The following DOCK4 variants were observed in gnomAD, a reference collection of about 807,000 sequenced individuals.
The protein encoded by DOCK4 is dedicator of cytokinesis 4.
DOCK4 carries 97 observed loss-of-function variants against 268.1 expected under a neutral mutation model. The ratio of observed to expected loss-of-function variants is 0.36; its 90% CI spans 0.31 to 0.43. The LOEUF (loss-of-function observed/expected upper bound fraction) is 0.43. Ranked by LOEUF, DOCK4 falls within the 20% of genes least tolerant of loss-of-function variation. The pLI is 1.00. For synonymous variants in DOCK4, 954 were observed against 887.2 expected (o/e 1.08, Z -1.34); for missense variants, 2,145 against 2,455.7 (o/e 0.87, Z 2.67).
intron 34 of DOCK4, 55 bp downstream of exon 34, chr7:111,783,802 T>C: frequency 6.9e-7 from 1 of 1,446,312 alleles, no homozygotes; most frequent in Non-Finnish European, 9.5e-7. Flanking sequence ...TATTTGATTT[T>C]CTAACTGGAG....
At chr7:111,935,850 G>T (rs1480740590) in intron 11 of DOCK4, among the ~76,000 whole-genome samples, 1 of 152,162 alleles carries the variant, frequency 6.6e-6, no homozygotes, top group Non-Finnish European at 1.5e-5. Context: ...GACAGAAGCA[G>T]CTGGGATAAC....
At chr7:112,142,207 G>A (rs1339849414) in intron 1 of DOCK4, among the ~76,000 whole-genome samples, 1 of 152,130 alleles carries the variant, frequency 6.6e-6, no homozygotes, top group Non-Finnish European at 1.5e-5. Flanking sequence ...ACTCAGGCAA[G>A]GTCACATAGC....
Position 111,922,136 on chromosome 7 carries a change from C to T in DOCK4, c.1067-6232G>A, listed in dbSNP as rs79396325. ...CTGTCCTCAGATACTAGTAAGTCAA[C>T]GCTCTGAACAAGTGACAAATTCTGA... On this transcript the variant is annotated intron_variant, in intron 12 of 52. Coordinates refer to ENST00000428084, the MANE Select transcript of DOCK4 (RefSeq NM_001363540.2). Among the ~76,000 whole-genome samples, 179 of 152,262 alleles carry T rather than the reference C, an allele frequency of 1.2e-3. 1 individual carries two copies. Among genetic ancestry groups the T allele is most frequent in the African/African-American group, 3.8e-3 (159 of 41,558 alleles).
At chr7:111,801,599 T>C (rs1297022567) in intron 30 of DOCK4, 1 of 152,212 alleles carries the variant, frequency 6.6e-6, no homozygotes, top group African/African-American at 2.4e-5. Context: ...GACCTAGATA[T>C]TCTTTTGTCT....
At chr7:111,969,676 CAGA>C (rs1313460714) in intron 8 of DOCK4, among the ~76,000 whole-genome samples, 4 of 44,372 alleles carry the variant, frequency 9.0e-5, no homozygotes, top group African/African-American at 2.8e-4. Context: ...TTAGTTGAAC[CAGA>C]AAAAAAAAAA....
At chr7:111,925,636 C>A (rs550271780) in intron 12 of DOCK4, among the ~76,000 whole-genome samples, 1 of 152,282 alleles carries the variant, frequency 6.6e-6, no homozygotes, top group South Asian at 2.1e-4. Context: ...TACTCAAAGC[C>A]TCTACCCAGT....
intron 15 of DOCK4, among the ~76,000 whole-genome samples, chr7:111,898,910 C>T (rs931741775): frequency 6.6e-6 from 1 of 152,156 alleles, no homozygotes; most frequent in African/African-American, 2.4e-5. Flanking sequence ...TAATTACCTC[C>T]AAATGCTCTT....
intron 16 of DOCK4, among the ~76,000 whole-genome samples, chr7:111,895,150 C>A (rs1808636456): frequency 6.6e-6 from 1 of 152,094 alleles, no homozygotes; most frequent in South Asian, 2.1e-4. Flanking sequence ...TATGACAATT[C>A]TTGATTTATA....
chr7:111,842,567 A>G (rs545997235), intron 25 of DOCK4, among the ~76,000 whole-genome samples: 11 of 152,332 alleles, frequency 7.2e-5, no homozygotes, highest in African/African-American at 2.2e-4. Context: ...GAGTGGAGCC[A>G]GAGAAGGTCA....
intron 10 of DOCK4, among the ~76,000 whole-genome samples, chr7:111,944,364 C>CT (rs10708495): frequency 6.1e-4 from 93 of 151,310 alleles, no homozygotes; most frequent in African/African-American, 4.6e-4. Flanking sequence ...ATTTCACAGG[C>CT]TTTTTTTTTG....
rs114282713 is a variant in DOCK4 at position 111,863,225 on chromosome 7, C to T, written c.2473+147G>A. The stretch of plus-strand genomic sequence containing the variant: ...ATTGCCATACTTTTGTATTTGACTA[C>T]TAAATACATTTACCATCCAAATAAA... On this transcript the variant is annotated intron_variant, in intron 23 of 52. Coordinates refer to ENST00000428084, the MANE Select transcript of DOCK4 (RefSeq NM_001363540.2). 6.3e-4 allele frequency: 492 copies of T among 784,720 alleles called. 4 individuals are homozygous for T. In the African/African-American group the frequency reaches 7.7e-3, roughly 12 times the overall value. 48.6% of individuals were successfully genotyped at this position (784,720 alleles called of 1,614,324 possible).
chr7:112,037,430 C>T (rs966497371), intron 1 of DOCK4, among the ~76,000 whole-genome samples: 1 of 152,290 alleles, frequency 6.6e-6, no homozygotes, highest in Admixed American at 6.5e-5. Flanking sequence ...CAGAAACTTC[C>T]TTTTTGCACC....
rs778659085 is a variant in DOCK4, at chr7:111,935,614, C to T, written c.992G>A (p.Ser331Asn). The change falls in exon 12 of 53, where the codon AGT becomes AAT. Residue 331 changes from serine to asparagine, a missense_variant. By Grantham distance (46) the Ser-to-Asn change is conservative. This residue lies in a region of DOCK4 where 1,598 missense variants were observed against 1,986.7 expected (regional missense o/e 0.80). Coordinates refer to ENST00000428084, the MANE Select transcript of DOCK4 (RefSeq NM_001363540.2). ...ILKVYMCNTE[S>N]EWYQIHENII... ...GTTCTCATGGATTTGGTACCACTCACTCTCTGTGTTACACCTATGAAAACA... is the reference window on the plus strand; with the variant it reads ...GTTCTCATGGATTTGGTACCACTCATTCTCTGTGTTACACCTATGAAAACA... 4 of 1,613,808 alleles carry T rather than the reference C, an allele frequency of 2.5e-6. No homozygotes were observed. In the African/African-American group the frequency reaches 4.0e-5, roughly 16 times the overall value.
chr7:111,765,351 G>C (rs940731817), intron 38 of DOCK4, 129 bp from the exon 39 acceptor site: 2 of 664,044 alleles, frequency 3.0e-6, no homozygotes, highest in African/African-American at 3.8e-5. Flanking sequence ...AAGAAAGTTT[G>C]ACTTTCTTTT....
chr7:111,797,995 C>T (rs2133842139), intron 30 of DOCK4, among the ~76,000 whole-genome samples: 1 of 152,242 alleles, frequency 6.6e-6, no homozygotes, highest in South Asian at 2.1e-4. Context: ...TAATAGGGAC[C>T]AGAAGGAGGC....
chr7:112,028,643 G>A (rs1803010305), intron 1 of DOCK4, among the ~76,000 whole-genome samples: 1 of 152,194 alleles, frequency 6.6e-6, no homozygotes, highest in Non-Finnish European at 1.5e-5. Flanking sequence ...CTTGGATCAA[G>A]CAAAATGGAA....
At chr7:111,944,731 A>C in intron 10 of DOCK4, 80 bp downstream of exon 10, 1 of 1,321,434 alleles carries the variant, frequency 7.6e-7, no homozygotes, top group South Asian at 1.2e-5. Flanking sequence ...GACAGCAATA[A>C]ATCACAACAA....
intron 30 of DOCK4, among the ~76,000 whole-genome samples, chr7:111,806,355 A>G (rs1800675139): frequency 1.3e-5 from 2 of 152,188 alleles, no homozygotes; most frequent in South Asian, 4.1e-4. Context: ...GTTGGAAGAG[A>G]GGCTTTAACA....
chr7:112,139,901 G>A (rs549271485), intron 1 of DOCK4, among the ~76,000 whole-genome samples: 93 of 152,212 alleles, frequency 6.1e-4, no homozygotes, highest in Non-Finnish European at 1.2e-3. Context: ...AGAATCAAGG[G>A]ACTGTGAGGA....
Sources: allele counts gnomAD v4.1 joint callset (sites outside exome capture counted in the v4.1 genomes callset), GRCh38; gene constraint gnomAD v4.1.1; regional missense constraint gnomAD v4.1.1; transcripts MANE v1.5; gene names NCBI Gene and HGNC (gene_info 2026-07-23, HGNC 2026-07-21).